Variants in ANKRD36C observed in about 807,000 individuals in gnomAD.
ANKRD36C encodes ankyrin repeat domain 36C, also known as ankyrin repeat domain-containing protein 36C.
In ANKRD36C, 61 loss-of-function variants were observed where a neutral mutation model predicts 276.4. The ratio of observed to expected loss-of-function variants is 0.22; its 90% CI spans 0.18 to 0.27. The LOEUF is 0.27. Ranked by LOEUF, ANKRD36C falls within the 10% of genes least tolerant of loss-of-function variation. The probability of loss-of-function intolerance (pLI) is 1.00; values close to 1 mark genes in which losing one functional copy is unlikely to be tolerated. For synonymous variants in ANKRD36C, 483 were observed against 680.1 expected, an observed-to-expected ratio of 0.71 and a Z score of 4.51; for missense variants, 1,447 against 2,032.3, an observed-to-expected ratio of 0.71 and a Z score of 5.54.
intron 3 of ANKRD36C, among the ~76,000 whole-genome samples, chr2:95,983,818 G>C (rs971918895): frequency 2.0e-5 from 3 of 150,916 alleles, no homozygotes; most frequent in African/African-American, 4.9e-5. Flanking sequence ...GGGTTTCACC[G>C]TGTTAGCCAG....
At chr2:95,972,969 G>A (rs1380544558) in intron 6 of ANKRD36C, among the ~76,000 whole-genome samples, 2 of 152,146 alleles carry the variant, frequency 1.3e-5, no homozygotes, top group African/African-American at 4.8e-5. Context: ...ATCAGGCCAG[G>A]TGCAATGACA....
chr2:95,889,847 C>T (rs1161798424), exon 48 of ANKRD36C: 1 of 1,603,180 alleles, frequency 6.2e-7, no homozygotes. Flanking sequence ...ATATTCGGAA[C>T]AGAATTTTCC....
intron 46 of ANKRD36C, among the ~76,000 whole-genome samples, chr2:95,890,618 G>C (rs1287365056): frequency 6.6e-6 from 1 of 151,472 alleles, no homozygotes; most frequent in Non-Finnish European, 1.5e-5. Flanking sequence ...CACTAGTATA[G>C]ACTTCTGAAA....
At chr2:95,932,817 T>C (rs879008975) in intron 24 of ANKRD36C, among the ~76,000 whole-genome samples, 2,780 of 119,652 alleles carry the variant, frequency 0.023, no homozygotes, top group Non-Finnish European at 0.042. Flanking sequence ...TTTGTTGCCA[T>C]TGCTTTTGGT....
chr2:95,882,528 A>G (rs765291696), intron 54 of ANKRD36C, 31 bp from the exon 75 acceptor site: 60 of 1,549,464 alleles, frequency 3.9e-5, no homozygotes, highest in Admixed American at 3.3e-4. Flanking sequence ...ATAATCCATC[A>G]TATGTAAATA....
chr2:95,925,702 G>A (rs1384751269), intron 28 of ANKRD36C, among the ~76,000 whole-genome samples, 155 bp from the exon 29 acceptor site: 1 of 151,544 alleles, frequency 6.6e-6, no homozygotes, highest in African/African-American at 2.4e-5. Context: ...GGAACATGAG[G>A]AAATATGCGA....
At chr2:95,983,127 C>T (rs994832185) in intron 3 of ANKRD36C, among the ~76,000 whole-genome samples, 23 of 150,562 alleles carry the variant, frequency 1.5e-4, no homozygotes, top group Non-Finnish European at 2.7e-4. Context: ...GTCAGGAGCT[C>T]CTGAGCACCT....
Position 95,891,209 on chromosome 2 carries a change from C to T in ANKRD36C, c.2857+456G>A, listed in dbSNP as rs139331479. Among the ~76,000 whole-genome samples, 332 of 150,738 alleles carry T rather than the reference C, an allele frequency of 2.2e-3. 1 individual carries two copies. The highest frequency in any genetic ancestry group is 3.9e-3 in the Non-Finnish European group (265 of 67,158). On this transcript the variant is annotated intron_variant, in intron 46 of 66. Transcript: ENST00000456556. ...TTTTCCACCTTCCTGCCTCACAATC[C>T]GTCTTCCTTAGGAAAATAGTTGCTA...
chr2:95,915,694 A>C (rs1051114366), intron 38 of ANKRD36C, among the ~76,000 whole-genome samples: 13 of 151,444 alleles, frequency 8.6e-5, no homozygotes, highest in African/African-American at 1.2e-4. Context: ...AAAAGATGCT[A>C]CAGAATTAAA....
chr2:95,876,519 A>G lies in ANKRD36C; in HGVS notation c.3470-10T>C. 1 of 1,608,960 alleles carries G rather than the reference A, an allele frequency of 6.2e-7. No homozygotes were observed. Among genetic ancestry groups the G allele is most frequent in the Non-Finnish European group, 8.5e-7 (1 of 1,177,790 alleles). On this transcript the variant is annotated splice_polypyrimidine_tract_variant and intron_variant, in intron 58 of 66. Transcript: ENST00000456556. Reference sequence around the variant, plus strand: ...ATTTCTAAGTCTTGTTCTGCTAAAAAAAATTATATATTTAGTTAAAATGAG... The same window carrying G: ...ATTTCTAAGTCTTGTTCTGCTAAAAGAAATTATATATTTAGTTAAAATGAG...
chr2:95,850,833 T>C (rs1675276864), downstream of ANKRD36C, among the ~76,000 whole-genome samples: 1 of 152,236 alleles, frequency 6.6e-6, no homozygotes, highest in African/African-American at 2.4e-5. Context: ...CCTTGAGAAG[T>C]TGACGATGCC....
At chr2:95,853,501 A>G in intron 64 of ANKRD36C, 1 of 358,510 alleles carries the variant, frequency 2.8e-6, no homozygotes, top group Non-Finnish European at 4.8e-6. Context: ...GCCAGAGATT[A>G]AGATATAGGT....
intron 17 of ANKRD36C, among the ~76,000 whole-genome samples, chr2:95,947,817 T>C (rs866811339): frequency 6.4e-4 from 97 of 152,266 alleles, no homozygotes; most frequent in African/African-American, 2.2e-3. Context: ...ATTTCTAATA[T>C]TCCACAATTT....
chr2:95,862,030 A>G (rs976978247), intron 60 of ANKRD36C, among the ~76,000 whole-genome samples: 10 of 152,142 alleles, frequency 6.6e-5, no homozygotes, highest in African/African-American at 2.4e-4. Context: ...GGTTCAGTTA[A>G]TCAACAAAAC....
At chr2:95,855,843 G>A (rs1016972008) in exon 63 of ANKRD36C, 21 of 1,613,764 alleles carry the variant, frequency 1.3e-5, no homozygotes, top group Non-Finnish European at 1.8e-5. Flanking sequence ...ACATAGAGCA[G>A]CATTCAGTCT....
intron 62 of ANKRD36C, 102 bp downstream of exon 82, chr2:95,857,207 T>G (rs1191741020): frequency 7.6e-7 from 1 of 1,324,434 alleles, no homozygotes; most frequent in East Asian, 2.7e-5. Context: ...AAATAAAATT[T>G]GGGGATTGTT....
At chr2:95,858,155 A>AC (rs1170429092) in intron 61 of ANKRD36C, among the ~76,000 whole-genome samples, 27 of 150,074 alleles carry the variant, frequency 1.8e-4, no homozygotes, top group Middle Eastern at 3.4e-3. Flanking sequence ...CCAAGCTGCG[A>AC]CCCAACCACC....
At chr2:95,927,542 G>A in intron 26 of ANKRD36C, 133 bp from the exon 27 acceptor site, 2 of 1,423,232 alleles carry the variant, frequency 1.4e-6, no homozygotes, top group South Asian at 1.4e-5. Context: ...TCTACTTTTT[G>A]TCTGGAGACT....
At chr2:95,944,660 A>G in exon 19 of ANKRD36C, 1 of 1,537,146 alleles carries the variant, frequency 6.5e-7, no homozygotes, top group South Asian at 1.2e-5. Context: ...ACAAGGTTCC[A>G]TTTTCTGTTT....
Sources: gnomAD v4.1 joint callset for allele counts (sites outside exome capture counted in the v4.1 genomes callset) on GRCh38, gnomAD v4.1.1 for gene constraint, MANE v1.5 for transcripts, NCBI Gene and HGNC (gene_info 2026-07-23, HGNC 2026-07-21) for gene names.